BMPR1B: variants seen among roughly 807,000 people sequenced by gnomAD.
BMPR1B encodes the protein bone morphogenetic protein receptor type 1B, also known as bone morphogenetic protein receptor type-1B.
In BMPR1B, 12 loss-of-function variants were observed where a neutral mutation model predicts 59.1. That is an observed-to-expected ratio of 0.20 (90% CI 0.13 to 0.33). BMPR1B has a LOEUF of 0.33. Among genes scored for constraint, BMPR1B ranks in the 10% least tolerant of loss-of-function variants. The probability of loss-of-function intolerance (pLI) is 1.00; values close to 1 mark genes in which losing one functional copy is unlikely to be tolerated. For missense variants in BMPR1B, 550 were observed against 610.9 expected, an observed-to-expected ratio of 0.90 and a Z score of 1.05; for synonymous variants, 237 against 207.3, an observed-to-expected ratio of 1.14 and a Z score of -1.23.
chr4:94,974,528 C>G (rs886126552), intron 2 of BMPR1B, among the ~76,000 whole-genome samples: 2 of 152,196 alleles, frequency 1.3e-5, no homozygotes, highest in Non-Finnish European at 1.5e-5. Context: ...TTTGTAGACT[C>G]CTTTTATGTT....
chr4:94,925,941 A>G (rs1400428215), intron 2 of BMPR1B, among the ~76,000 whole-genome samples: 4 of 152,050 alleles, frequency 2.6e-5, no homozygotes, highest in Admixed American at 2.0e-4. Context: ...GATTACCTGC[A>G]AGGCACACAT....
chr4:95,123,090 A>G (rs1349861690), intron 6 of BMPR1B, among the ~76,000 whole-genome samples: 1 of 152,172 alleles, frequency 6.6e-6, no homozygotes, highest in African/African-American at 2.4e-5. Flanking sequence ...ACATTGTATA[A>G]AGTTAAGTCA....
chr4:95,030,403 G>C (rs1021803182), intron 3 of BMPR1B, among the ~76,000 whole-genome samples: 11 of 152,006 alleles, frequency 7.2e-5, no homozygotes, highest in Non-Finnish European at 1.2e-4. Context: ...TTTTTCTCAG[G>C]TTTGTCAAAG....
chr4:95,027,416 T>A (rs1417290347), intron 3 of BMPR1B, among the ~76,000 whole-genome samples: 2 of 152,208 alleles, frequency 1.3e-5, no homozygotes, highest in East Asian at 3.8e-4. Context: ...ATATCCTGTT[T>A]ACATGTGATT....
intron 2 of BMPR1B, among the ~76,000 whole-genome samples, chr4:94,912,110 CTG>C (rs1315955100): frequency 6.6e-6 from 1 of 152,058 alleles, no homozygotes; most frequent in Admixed American, 6.6e-5. Context: ...AAAGTGGAAA[CTG>C]TTAGATCTCG....
At chr4:95,127,457 G>A (rs184323867) in intron 8 of BMPR1B, among the ~76,000 whole-genome samples, 1 of 151,904 alleles carries the variant, frequency 6.6e-6, no homozygotes, top group African/African-American at 2.4e-5. Context: ...ATTATAAAAT[G>A]TATTATCGTT....
At chr4:94,999,268 T>G (rs1453484777) in intron 3 of BMPR1B, among the ~76,000 whole-genome samples, 2 of 152,192 alleles carry the variant, frequency 1.3e-5, no homozygotes, top group Middle Eastern at 6.3e-3. Context: ...TTATCATACT[T>G]ATTTTAAACA....
At chr4:94,862,747 C>T (rs563841411) in intron 1 of BMPR1B, among the ~76,000 whole-genome samples, 89 of 151,710 alleles carry the variant, frequency 5.9e-4, no homozygotes, top group Non-Finnish European at 2.4e-4. Flanking sequence ...AGATCGAGAC[C>T]ATCCTGGCTA....
chr4:95,059,407 C>T (rs973860733), intron 3 of BMPR1B, among the ~76,000 whole-genome samples: 5 of 151,992 alleles, frequency 3.3e-5, no homozygotes, highest in East Asian at 3.9e-4. Flanking sequence ...TCCTGTGCCC[C>T]GAGTGAAAAG....
chr4:95,037,794 T>G (rs565024564), intron 3 of BMPR1B, among the ~76,000 whole-genome samples: 2 of 152,008 alleles, frequency 1.3e-5, no homozygotes, highest in East Asian at 1.9e-4. Context: ...AAGAGAGAGA[T>G]AGGGCTTTAC....
At chr4:94,948,853 G>A (rs1030205527) in intron 2 of BMPR1B, among the ~76,000 whole-genome samples, 18 of 152,188 alleles carry the variant, frequency 1.2e-4, no homozygotes, top group Non-Finnish European at 1.9e-4. Context: ...GTCTGGGGAC[G>A]AGAGGTTGTG....
At chr4:94,779,882 GTTTTA>G (rs1722523625) in intron 1 of BMPR1B, among the ~76,000 whole-genome samples, 1 of 151,816 alleles carries the variant, frequency 6.6e-6, no homozygotes, top group Non-Finnish European at 1.5e-5. Context: ...CTAATATACT[GTTTTA>G]TTTTATATTC....
chr4:95,100,379 G>T (rs911695633), intron 3 of BMPR1B, among the ~76,000 whole-genome samples: 3 of 151,964 alleles, frequency 2.0e-5, no homozygotes, highest in Admixed American at 1.3e-4. Context: ...TGAAGGCATT[G>T]TTCTATTTTA....
At chr4:94,929,519 T>C (rs1729013873) in intron 2 of BMPR1B, among the ~76,000 whole-genome samples, 1 of 152,088 alleles carries the variant, frequency 6.6e-6, no homozygotes, top group African/African-American at 2.4e-5. Flanking sequence ...GAGTCCCTTC[T>C]CAAAACTGTG....
At chr4:94,806,936 A>G (rs1723626866) in intron 1 of BMPR1B, among the ~76,000 whole-genome samples, 1 of 151,030 alleles carries the variant, frequency 6.6e-6, no homozygotes, top group Non-Finnish European at 1.5e-5. Context: ...CTTATTAAAG[A>G]TATTTTATTA....
chr4:94,834,464 TC>T (rs1262822127), intron 1 of BMPR1B, among the ~76,000 whole-genome samples: 1 of 152,056 alleles, frequency 6.6e-6, no homozygotes, highest in Non-Finnish European at 1.5e-5. Flanking sequence ...CCCTTCTTTT[TC>T]CTCTCCACCT....
rs943183996 is a variant in BMPR1B at position 95,148,843 on chromosome 4, A to C, written c.1172A>C (p.His391Pro). 6.2e-7 allele frequency: 1 copy of C among 1,613,906 alleles called. No homozygotes were observed. The highest frequency in any genetic ancestry group is 8.5e-7 in the Non-Finnish European group (1 of 1,179,948). Residue 391 changes from histidine to proline, a missense_variant, in exon 11 of 13, where the codon CAC (histidine) becomes CCC (proline). His to Pro is a moderately conservative substitution (Grantham distance 77, BLOSUM62 -2). This residue lies in a region of BMPR1B where 123 missense variants were observed against 164.6 expected (regional missense o/e 0.75). Coordinates refer to ENST00000515059, the MANE Select transcript of BMPR1B (RefSeq NM_001203.3). ...TTGGACGAGAGCTTGAACAGAAATC[A>C]CTTCCAGTCTTACATCATGGCTGAC... is the stretch of plus-strand genomic sequence containing the variant. ...EVLDESLNRN[H>P]FQSYIMADMY...
intron 1 of BMPR1B, among the ~76,000 whole-genome samples, chr4:94,835,899 TCCCTCCC>T (rs1724792390): frequency 1.3e-5 from 1 of 74,258 alleles, no homozygotes; most frequent in Non-Finnish European, 2.5e-5. Context: ...CCCAATGCTA[TCCCTCCC>T]CCCTCCCCCC....
At chr4:95,020,671 A>G (rs1012252145) in intron 3 of BMPR1B, among the ~76,000 whole-genome samples, 1 of 151,358 alleles carries the variant, frequency 6.6e-6, no homozygotes, top group Non-Finnish European at 1.5e-5. Context: ...GGTGCCGTCT[A>G]CTGGTGAAAC....
Sources: allele counts gnomAD v4.1 joint callset (sites outside exome capture counted in the v4.1 genomes callset), GRCh38; gene constraint gnomAD v4.1.1; regional missense constraint gnomAD v4.1.1; transcripts MANE v1.5; gene names NCBI Gene and HGNC (gene_info 2026-07-23, HGNC 2026-07-21).